SLC22A24: variants seen among roughly 807,000 people sequenced by gnomAD.
The protein encoded by SLC22A24 is steroid transmembrane transporter SLC22A24.
A neutral mutation model predicts 49.8 loss-of-function variants in SLC22A24; 53 were observed. The ratio of observed to expected loss-of-function variants is 1.06; its 90% confidence interval spans 0.85 to 1.34. The LOEUF (loss-of-function observed/expected upper bound fraction) is 1.34, where lower values mean the gene tolerates loss of function less well. Among genes scored for constraint, SLC22A24 ranks in the 40% most tolerant of loss-of-function variants. The pLI, the probability that SLC22A24 is intolerant of heterozygous loss-of-function variation, is 0.00. For synonymous variants in SLC22A24, 302 were observed against 256.4 expected, an observed-to-expected ratio of 1.18 and a Z score of -1.70; for missense variants, 786 against 675.9, an observed-to-expected ratio of 1.16 and a Z score of -1.81.
intron 6 of SLC22A24, among the ~76,000 whole-genome samples, chr11:63,084,399 C>G (rs966638922): frequency 2.0e-5 from 3 of 152,080 alleles, no homozygotes; most frequent in Non-Finnish European, 4.4e-5. Context: ...CATTTTAATC[C>G]CTCTGTGGAA....
chr11:63,109,798 G>T (rs2087148996), intron 4 of SLC22A24, among the ~76,000 whole-genome samples: 1 of 151,788 alleles, frequency 6.6e-6, no homozygotes, highest in South Asian at 2.1e-4. Flanking sequence ...TTTGTAGGTT[G>T]CCTGTTCACT....
intron 1 of SLC22A24, among the ~76,000 whole-genome samples, chr11:63,140,046 G>A (rs924130994): frequency 6.7e-5 from 10 of 150,360 alleles, no homozygotes; most frequent in Admixed American, 2.0e-4. Context: ...GTAATCTTTT[G>A]GAAATAGAGA....
chr11:63,134,936 A>G (rs2087363092), intron 1 of SLC22A24, among the ~76,000 whole-genome samples, 168 bp from the exon 2 acceptor site: 1 of 152,164 alleles, frequency 6.6e-6, no homozygotes, highest in Admixed American at 6.6e-5. Context: ...CTCATATTCT[A>G]AAAATACTAA....
intron 5 of SLC22A24, 66 bp from the exon 6 acceptor site, chr11:63,096,172 G>C: frequency 9.7e-7 from 1 of 1,030,612 alleles, no homozygotes; most frequent in South Asian, 1.4e-5. Flanking sequence ...ATAGTGGTAA[G>C]TACTAGAGAA....
intron 6 of SLC22A24, among the ~76,000 whole-genome samples, chr11:63,086,459 C>G (rs1169447246): frequency 6.6e-6 from 1 of 152,160 alleles, no homozygotes; most frequent in African/African-American, 2.4e-5. Context: ...ACCACATGTT[C>G]TCACTTATGA....
chr11:63,121,616 T>A (rs978963208), intron 2 of SLC22A24, among the ~76,000 whole-genome samples: 2 of 151,948 alleles, frequency 1.3e-5, no homozygotes, highest in African/African-American at 2.4e-5. Flanking sequence ...CTTTAAAAAA[T>A]TTTTTATTTT....
At chr11:63,119,741 A>G (rs201004469) in intron 2 of SLC22A24, among the ~76,000 whole-genome samples, 1 of 152,220 alleles carries the variant, frequency 6.6e-6, no homozygotes, top group East Asian at 1.9e-4. Context: ...TGCACTGTCC[A>G]GGTAAAAGCT....
chr11:63,089,955 C>T (rs1265649204), intron 6 of SLC22A24, among the ~76,000 whole-genome samples: 1 of 151,658 alleles, frequency 6.6e-6, no homozygotes, highest in African/African-American at 2.4e-5. Flanking sequence ...GTGGTGGGCG[C>T]CTGTCGTCCC....
intron 2 of SLC22A24, among the ~76,000 whole-genome samples, chr11:63,127,817 AT>A (rs930954793): frequency 4.6e-5 from 7 of 150,566 alleles, no homozygotes; most frequent in South Asian, 2.1e-4. Context: ...CCACTTTTTG[AT>A]TTTTTTTTGT....
intron 6 of SLC22A24, among the ~76,000 whole-genome samples, chr11:63,085,271 A>T (rs2086980906): frequency 6.6e-6 from 1 of 152,174 alleles, no homozygotes; most frequent in African/African-American, 2.4e-5. Flanking sequence ...GTATAATGAA[A>T]GTCTTGGGGA....
At chr11:63,135,282 T>C (rs922938169) in intron 1 of SLC22A24, among the ~76,000 whole-genome samples, 1 of 152,186 alleles carries the variant, frequency 6.6e-6, no homozygotes, top group African/African-American at 2.4e-5. Flanking sequence ...TGTCCACAGA[T>C]TGAATCACCT....
In SLC22A24 at chr11:63,132,021, C is replaced by A. The variant is rs1299576022; in HGVS notation, c.506+2644G>T. Reference sequence around the variant, plus strand: ...CTAATCTTGTCTTCTCACTTTATTTCATTCATTTCATCTTCAATCATTGAT... The same window carrying A: ...CTAATCTTGTCTTCTCACTTTATTTAATTCATTTCATCTTCAATCATTGAT... On this transcript the variant is annotated intron_variant, in intron 2 of 9. Transcript: ENST00000612278. 2.6e-5 allele frequency among the ~76,000 whole-genome samples: 4 copies of A among 151,994 alleles called. No homozygotes were observed. In the East Asian group the frequency reaches 7.7e-4, roughly 29 times the overall value.
chr11:63,093,194 T>C (rs560613606), intron 6 of SLC22A24, among the ~76,000 whole-genome samples: 1 of 152,342 alleles, frequency 6.6e-6, no homozygotes, highest in South Asian at 2.1e-4. Context: ...AAACAACAGA[T>C]GCTGGAGAGG....
At chr11:63,116,355 G>A (rs372147825) in intron 4 of SLC22A24, 38 of 194,146 alleles carry the variant, frequency 2.0e-4, no homozygotes, top group East Asian at 6.2e-4. Context: ...ACCTTAAGCC[G>A]CAGCTCCCAA....
At chr11:63,101,906 A>T (rs570874470) in intron 5 of SLC22A24, among the ~76,000 whole-genome samples, 3 of 152,212 alleles carry the variant, frequency 2.0e-5, no homozygotes, top group Non-Finnish European at 2.9e-5. Flanking sequence ...GAATACATGG[A>T]GATAAAGAGT....
intron 1 of SLC22A24, among the ~76,000 whole-genome samples, chr11:63,137,156 C>T (rs112558311): frequency 6.6e-6 from 1 of 152,008 alleles, no homozygotes; most frequent in Non-Finnish European, 1.5e-5. Context: ...GAGGAGGTCT[C>T]GGTTGGTTCT....
chr11:63,130,746 T>C lies in SLC22A24; in HGVS notation c.506+3919A>G, dbSNP rs1326713756. Among the ~76,000 whole-genome samples, 3 of 152,192 alleles carry C rather than the reference T, an allele frequency of 2.0e-5. No homozygotes were observed. In the East Asian group the frequency reaches 5.8e-4, roughly 29 times the overall value. ...GAATTTATCAATTTCTTCTAGATTT[T>C]CTAGTTTATTTGTATAGAGGTGTTT... is the stretch of plus-strand genomic sequence containing the variant. On this transcript the variant is annotated intron_variant, in intron 2 of 9. Transcript: ENST00000612278.
intron 2 of SLC22A24, among the ~76,000 whole-genome samples, chr11:63,131,088 G>A (rs1310919263): frequency 1.3e-5 from 2 of 152,062 alleles, no homozygotes; most frequent in Non-Finnish European, 1.5e-5. Context: ...CAGATACTAG[G>A]ATTGCAACCC....
chr11:63,142,742 G>A (rs1939752), intron 1 of SLC22A24, among the ~76,000 whole-genome samples: 108,772 of 151,798 alleles, frequency 0.72, 40,368 homozygotes, highest in East Asian at 0.9. Flanking sequence ...CCCCCACTTA[G>A]GAAGTGACTC....
Sources: gnomAD v4.1 joint callset for allele counts (sites outside exome capture counted in the v4.1 genomes callset) on GRCh38, gnomAD v4.1.1 for gene constraint, MANE v1.5 for transcripts, NCBI Gene and HGNC (gene_info 2026-07-23, HGNC 2026-07-21) for gene names.